FAF1: variants seen among roughly 807,000 people sequenced by gnomAD.
FAF1 encodes Fas associated factor 1.
FAF1 carries 25 observed loss-of-function variants against 92.5 expected under a neutral mutation model. The observed-to-expected ratio is 0.27, with a 90% CI of 0.20 to 0.38. FAF1 has a LOEUF of 0.38. FAF1 is among the 10% of genes least tolerant of loss of function. FAF1 has a pLI of 1.00. For synonymous variants in FAF1, 234 were observed against 273.2 expected (o/e 0.86, Z 1.42); for missense variants, 636 against 793.3 (o/e 0.80, Z 2.38).
intron 2 of FAF1, among the ~76,000 whole-genome samples, chr1:50,843,016 A>G (rs1460274099): frequency 6.6e-6 from 1 of 152,216 alleles, no homozygotes; most frequent in African/African-American, 2.4e-5. Context: ...GAATTCATTC[A>G]TAATAAGAGA....
intron 8 of FAF1, among the ~76,000 whole-genome samples, chr1:50,602,393 T>A (rs1180304335): frequency 6.6e-6 from 1 of 152,170 alleles, no homozygotes; most frequent in African/African-American, 2.4e-5. Flanking sequence ...TCAAGATGTA[T>A]CCAACTGTAC....
chr1:50,953,274 C>T (rs1443516287), intron 1 of FAF1, among the ~76,000 whole-genome samples: 1 of 152,128 alleles, frequency 6.6e-6, no homozygotes, highest in East Asian at 1.9e-4. Flanking sequence ...CCAGGGTCCT[C>T]TGCCTAGGAA....
At chr1:50,884,983 C>CT (rs1644646674) in intron 1 of FAF1, among the ~76,000 whole-genome samples, 1 of 152,030 alleles carries the variant, frequency 6.6e-6, no homozygotes, top group Non-Finnish European at 1.5e-5. Flanking sequence ...TTTTAGATTT[C>CT]TTTATGGTTG....
chr1:50,951,714 G>C lies in FAF1; in HGVS notation c.45+8053C>G, dbSNP rs527806154. On this transcript the variant is annotated intron_variant, in intron 1 of 18. Coordinates refer to ENST00000396153, the MANE Select transcript of FAF1 (RefSeq NM_007051.3). The stretch of plus-strand genomic sequence containing the variant: ...TAAATAAAGAGGACAGAGGAGAAAG[G>C]AAAGAAAGGACAGGTAACAAGATTA... 7.9e-5 allele frequency among the ~76,000 whole-genome samples: 12 copies of C among 152,292 alleles called. No homozygotes were observed. In the South Asian group the frequency reaches 2.5e-3, roughly 32 times the overall value.
chr1:50,541,199 A>G (rs1648741951), intron 13 of FAF1, among the ~76,000 whole-genome samples: 2 of 152,230 alleles, frequency 1.3e-5, no homozygotes, highest in South Asian at 4.1e-4. Flanking sequence ...AATCTGTGCT[A>G]TGACTATAGA....
At chr1:50,746,888 C>T (rs1415813387) in intron 4 of FAF1, among the ~76,000 whole-genome samples, 1 of 152,188 alleles carries the variant, frequency 6.6e-6, no homozygotes, top group African/African-American at 2.4e-5. Flanking sequence ...GGAAACTGCT[C>T]CCTGCATCCT....
intron 6 of FAF1, among the ~76,000 whole-genome samples, chr1:50,722,358 G>A (rs570583442): frequency 2.0e-5 from 3 of 151,954 alleles, no homozygotes; most frequent in Non-Finnish European, 4.4e-5. Flanking sequence ...GGAATTAAGA[G>A]CACTATAAGG....
At chr1:50,860,543 A>G (rs1303364871) in intron 1 of FAF1, among the ~76,000 whole-genome samples, 1 of 151,920 alleles carries the variant, frequency 6.6e-6, no homozygotes, top group East Asian at 1.9e-4. Context: ...CAAAACTACA[A>G]TGACATACCA....
chr1:50,643,588 T>A (rs1205953149), intron 8 of FAF1, among the ~76,000 whole-genome samples: 4 of 152,108 alleles, frequency 2.6e-5, no homozygotes, highest in Middle Eastern at 3.2e-3. Flanking sequence ...TTTGTTCTTT[T>A]AAAAAAAATT....
chr1:50,474,487 T>C (rs1049227121), intron 18 of FAF1, among the ~76,000 whole-genome samples: 17 of 152,128 alleles, frequency 1.1e-4, no homozygotes, highest in African/African-American at 3.9e-4. Flanking sequence ...TTAGTGGTGA[T>C]TTGTGAGATT....
At chr1:50,528,683 C>A (rs1647971247) in intron 15 of FAF1, among the ~76,000 whole-genome samples, 1 of 152,106 alleles carries the variant, frequency 6.6e-6, no homozygotes, top group African/African-American at 2.4e-5. Context: ...AGGGTCTGAA[C>A]TGTGTAAGTC....
intron 12 of FAF1, among the ~76,000 whole-genome samples, chr1:50,578,853 T>G (rs1650869008): frequency 6.6e-6 from 1 of 152,170 alleles, no homozygotes; most frequent in African/African-American, 2.4e-5. Context: ...TAATTTTGAA[T>G]AATTTATCTC....
intron 2 of FAF1, among the ~76,000 whole-genome samples, chr1:50,854,754 TCA>T (rs1644377903): frequency 6.6e-6 from 1 of 151,832 alleles, no homozygotes. Context: ...ATAGCTGTTA[TCA>T]GTGTGTTTAG....
chr1:50,662,413 C>G (rs1655414953), intron 7 of FAF1, among the ~76,000 whole-genome samples: 1 of 152,134 alleles, frequency 6.6e-6, no homozygotes, highest in African/African-American at 2.4e-5. Flanking sequence ...AGAAATTTGA[C>G]AATTGCCTTT....
intron 1 of FAF1, among the ~76,000 whole-genome samples, chr1:50,897,276 C>T (rs1168375660): frequency 6.6e-6 from 1 of 152,198 alleles, no homozygotes; most frequent in Non-Finnish European, 1.5e-5. Flanking sequence ...GAGGTAGTGT[C>T]AAACTTTCAC....
intron 8 of FAF1, among the ~76,000 whole-genome samples, chr1:50,629,873 A>C (rs1387395825): frequency 6.6e-6 from 1 of 152,126 alleles, no homozygotes; most frequent in African/African-American, 2.4e-5. Flanking sequence ...AGCCTGACCA[A>C]CATGGAGAAA....
intron 8 of FAF1, among the ~76,000 whole-genome samples, chr1:50,606,391 A>C (rs1652403361): frequency 6.6e-6 from 1 of 152,086 alleles, no homozygotes; most frequent in Non-Finnish European, 1.5e-5. Flanking sequence ...TAAATTATAA[A>C]GAGAGAAGGG....
chr1:50,524,621 G>A, intron 15 of FAF1, among the ~76,000 whole-genome samples: 1 of 152,138 alleles, frequency 6.6e-6, no homozygotes, highest in Non-Finnish European at 1.5e-5. Context: ...AGTTATCCCA[G>A]CACCATTTAT....
intron 1 of FAF1, among the ~76,000 whole-genome samples, chr1:50,931,269 T>A (rs898582424): frequency 6.6e-6 from 1 of 152,224 alleles, no homozygotes; most frequent in Non-Finnish European, 1.5e-5. Context: ...GTTTTTCTTA[T>A]TGTTATAGTT....
Sources: gnomAD v4.1 joint callset for allele counts (sites outside exome capture counted in the v4.1 genomes callset) on GRCh38, gnomAD v4.1.1 for gene constraint, MANE v1.5 for transcripts, NCBI Gene and HGNC (gene_info 2026-07-23, HGNC 2026-07-21) for gene names.